DPY19L2: variants seen among roughly 807,000 people sequenced by gnomAD.
The protein encoded by DPY19L2 is probable C-mannosyltransferase DPY19L2.
Under a neutral mutation model 97.9 loss-of-function variants are expected in DPY19L2, and 34 were observed. The ratio of observed to expected loss-of-function variants is 0.35; its 90% CI spans 0.26 to 0.46. The LOEUF (loss-of-function observed/expected upper bound fraction) is 0.46, where lower values mean the gene tolerates loss of function less well. DPY19L2 is among the 20% of genes least tolerant of loss of function. The pLI is 1.00. For synonymous variants in DPY19L2, 230 were observed against 307.9 expected, an observed-to-expected ratio of 0.75 and a Z score of 2.65; for missense variants, 623 against 911.4, an observed-to-expected ratio of 0.68 and a Z score of 4.07.
At chr12:63,644,541 C>G in intron 5 of DPY19L2, 45 bp from the exon 6 acceptor site, 5 of 1,590,898 alleles carry the variant, frequency 3.1e-6, no homozygotes, top group Non-Finnish European at 3.4e-6. Context: ...ATATATGACT[C>G]TAAGGCAATT....
At chr12:63,584,682 C>A (rs1881480311) in intron 16 of DPY19L2, among the ~76,000 whole-genome samples, 1 of 152,092 alleles carries the variant, frequency 6.6e-6, no homozygotes, top group African/African-American at 2.4e-5. Context: ...CTGGTGGTAT[C>A]TCAGTGCTTG....
At chr12:63,580,537 C>A (rs1185626435) in intron 19 of DPY19L2, 125 bp downstream of exon 19, 4 of 995,396 alleles carry the variant, frequency 4.0e-6, no homozygotes, top group South Asian at 2.9e-5. Flanking sequence ...AGTATGAATG[C>A]CTATTTGTAA....
intron 2 of DPY19L2, 103 bp from the exon 3 acceptor site, chr12:63,663,948 T>C: frequency 1.3e-6 from 1 of 743,380 alleles, no homozygotes; most frequent in Non-Finnish European, 2.2e-6. Flanking sequence ...TAAATTGTTA[T>C]ATTAATTTTA....
rs1362280295 is a variant in DPY19L2 at position 63,631,253 on chromosome 12, C to A, written c.804-4727G>T. Among the ~76,000 whole-genome samples, 3 of 151,950 alleles carry A rather than the reference C, an allele frequency of 2.0e-5. No homozygotes were observed. In the East Asian group the frequency reaches 5.8e-4, roughly 29 times the overall value. ...TGAAGGAGATAGAGACACAAAAACC[C>A]CTTCAAAAAATCAATGAATCCAGGA... On this transcript the variant is annotated intron_variant, in intron 6 of 21. Transcript: ENST00000324472.
intron 6 of DPY19L2, among the ~76,000 whole-genome samples, chr12:63,633,353 A>C (rs1444683377): frequency 3.9e-5 from 6 of 152,188 alleles, no homozygotes; most frequent in African/African-American, 1.4e-4. Context: ...CAATGAACTC[A>C]AACAAATTTA....
At chr12:63,630,162 C>T (rs970067634) in intron 6 of DPY19L2, among the ~76,000 whole-genome samples, 2 of 152,096 alleles carry the variant, frequency 1.3e-5, no homozygotes, top group Admixed American at 6.6e-5. Flanking sequence ...CATCAACTAA[C>T]GAGCAAAATA....
intron 19 of DPY19L2, among the ~76,000 whole-genome samples, chr12:63,578,600 A>C (rs2137343481): frequency 6.6e-6 from 1 of 152,270 alleles, no homozygotes; most frequent in East Asian, 1.9e-4. Context: ...CTGTACCCAC[A>C]TAAATTAAAA....
chr12:63,577,159 G>A (rs187555909), intron 19 of DPY19L2, among the ~76,000 whole-genome samples: 2,033 of 151,966 alleles, frequency 0.013, 24 homozygotes, highest in Non-Finnish European at 0.021. Flanking sequence ...ATTTTTTACA[G>A]CAGTCCCAAA....
intron 6 of DPY19L2, among the ~76,000 whole-genome samples, chr12:63,635,323 G>C (rs1038535613): frequency 1.3e-5 from 2 of 152,104 alleles, no homozygotes; most frequent in African/African-American, 2.4e-5. Flanking sequence ...AAACCACAAA[G>C]ATGGGGAGAA....
At chr12:63,667,850 C>G (rs1025993983) in intron 1 of DPY19L2, among the ~76,000 whole-genome samples, 1 of 152,142 alleles carries the variant, frequency 6.6e-6, no homozygotes, top group Non-Finnish European at 1.5e-5. Flanking sequence ...TCTCTGCGAT[C>G]TGACAGCCCT....
chr12:63,658,417 C>T (rs1592757998), intron 4 of DPY19L2, among the ~76,000 whole-genome samples: 1 of 152,090 alleles, frequency 6.6e-6, no homozygotes, highest in African/African-American at 2.4e-5. Flanking sequence ...TCGCTTGAAC[C>T]CAGGAGGCAG....
At chr12:63,600,476 T>G in intron 12 of DPY19L2, 90 bp from the exon 13 acceptor site, 3 of 1,120,110 alleles carry the variant, frequency 2.7e-6, no homozygotes, top group Non-Finnish European at 3.9e-6. Context: ...TAGAAAAAAT[T>G]TAATTATGTG....
At chr12:63,664,908 A>G (rs769864335) in intron 2 of DPY19L2, among the ~76,000 whole-genome samples, 3 of 152,182 alleles carry the variant, frequency 2.0e-5, no homozygotes, top group Non-Finnish European at 4.4e-5. Flanking sequence ...CCTGCAGACT[A>G]AACGTCTACA....
intron 6 of DPY19L2, among the ~76,000 whole-genome samples, chr12:63,634,169 T>A (rs1373439932): frequency 6.6e-6 from 1 of 152,114 alleles, no homozygotes; most frequent in Non-Finnish European, 1.5e-5. Flanking sequence ...CATATGTAAC[T>A]AACCTGCACG....
intron 4 of DPY19L2, among the ~76,000 whole-genome samples, chr12:63,652,810 T>C (rs1490259734): frequency 6.8e-6 from 1 of 146,132 alleles, no homozygotes; most frequent in African/African-American, 2.5e-5. Context: ...ACTGAATAAC[T>C]GCCTATTGAG....
chr12:63,668,463 G>A lies in DPY19L2; in HGVS notation c.-70C>T, dbSNP rs1378776258. On this transcript the variant is annotated 5_prime_UTR_variant, in exon 1 of 22. Transcript: ENST00000324472. ...AGCCGAGTCAGGCGAGGTCCAGAGA[G>A]ACCTGACTCGCCTGGCAGCCTCAAC... The A allele has an allele frequency of 4.2e-6, 6 of 1,418,896 alleles. No individual in the cohort carries two copies. The African/African-American group carries it at 5.7e-5, about 14-fold the overall frequency. The allele number at this position is 1,418,896 out of a possible 1,614,324, so 87.9% of individuals were successfully genotyped here. A position where few individuals can be genotyped will look rare whatever the true frequency, so the allele number is the denominator to read the frequency against.
intron 4 of DPY19L2, among the ~76,000 whole-genome samples, chr12:63,647,569 T>C (rs1446255972): frequency 1.3e-5 from 2 of 152,166 alleles, no homozygotes; most frequent in African/African-American, 2.4e-5. Flanking sequence ...CGTGTTTTGA[T>C]ATTAAAAAGC....
At chr12:63,592,026 G>GAGGGT (rs1883128523) in intron 16 of DPY19L2, among the ~76,000 whole-genome samples, 1 of 19,308 alleles carries the variant, frequency 5.2e-5, no homozygotes, top group African/African-American at 2.6e-4. Flanking sequence ...GAGGGGAGGG[G>GAGGGT]AGGGGAGGGG....
chr12:63,593,740 T>C (rs1015534447), intron 16 of DPY19L2, among the ~76,000 whole-genome samples: 1 of 151,942 alleles, frequency 6.6e-6, no homozygotes, highest in Non-Finnish European at 1.5e-5. Context: ...TGTATACATA[T>C]GTAACTAACC....
Sources: gnomAD v4.1 joint callset for allele counts (sites outside exome capture counted in the v4.1 genomes callset) on GRCh38, gnomAD v4.1.1 for gene constraint, MANE v1.5 for transcripts, NCBI Gene and HGNC (gene_info 2026-07-23, HGNC 2026-07-21) for gene names.